The following PRKCB variants were observed in gnomAD, a reference collection of about 807,000 sequenced individuals.
The protein encoded by PRKCB is protein kinase C beta.
In PRKCB, 13 loss-of-function variants were observed where a neutral mutation model predicts 81.5. The observed-to-expected ratio is 0.16, with a 90% CI of 0.10 to 0.25. PRKCB has a LOEUF of 0.25. Ranked by LOEUF, PRKCB falls within the 10% of genes least tolerant of loss-of-function variation. PRKCB has a pLI of 1.00. For synonymous variants in PRKCB, 335 were observed against 321.4 expected (o/e 1.04, Z -0.45); for missense variants, 509 against 875.7 (o/e 0.58, Z 5.29).
At chr16:24,068,192 A>G (rs1458603404) in intron 5 of PRKCB, among the ~76,000 whole-genome samples, 2 of 152,194 alleles carry the variant, frequency 1.3e-5, no homozygotes, top group Non-Finnish European at 2.9e-5. Context: ...TAGCACCATA[A>G]GCCTGACAAA....
chr16:24,185,516 C>T lies in PRKCB; in HGVS notation c.1671C>T (p.Asn557=), dbSNP rs747289504. The T allele has an allele frequency of 9.9e-6, 16 of 1,614,142 alleles. No homozygotes were observed. In the Admixed American group the frequency reaches 1.7e-4, roughly 17 times the overall value. The change falls in exon 15 of 17, where the codon AAC becomes AAT. Residue 557 remains asparagine, a synonymous_variant. Coordinates refer to ENST00000643927, the MANE Select transcript of PRKCB (RefSeq NM_002738.7). ...DELFQSIMEH[N]VAYPKSMSKE... Reference sequence around the variant, plus strand: ...TCTTCCAATCCATCATGGAACACAACGTAGCCTATCCCAAGTCTATGTCCA... The same window carrying T: ...TCTTCCAATCCATCATGGAACACAATGTAGCCTATCCCAAGTCTATGTCCA...
chr16:24,147,318 A>C (rs1052750455), intron 9 of PRKCB, among the ~76,000 whole-genome samples: 2 of 151,776 alleles, frequency 1.3e-5, no homozygotes, highest in Non-Finnish European at 2.9e-5. Flanking sequence ...AAAAAAAAAA[A>C]AAAACTTCAC....
At chr16:24,178,715 G>A (rs1019225065) in intron 12 of PRKCB, among the ~76,000 whole-genome samples, 12 of 152,328 alleles carry the variant, frequency 7.9e-5, no homozygotes, top group African/African-American at 2.6e-4. Flanking sequence ...AAGGCATGGC[G>A]TGTTGGGATT....
Position 24,217,167 on chromosome 16 carries a change from A to T in PRKCB, c.*2351A>T. 1.0e-6 allele frequency: 1 copy of T among 978,340 alleles called. No homozygotes were observed. The highest frequency in any genetic ancestry group is 1.2e-6 in the Non-Finnish European group (1 of 823,626). The allele number at this position is 978,340 out of a possible 1,614,324, so 60.6% of individuals were successfully genotyped here. A position where few individuals can be genotyped will look rare whatever the true frequency, so the allele number is the denominator to read the frequency against. On this transcript the variant is annotated 3_prime_UTR_variant, in exon 17 of 17. Transcript: ENST00000643927. ...AAGGAAGGAAAGAAGGAAGGAAAAG[A>T]AGGAAGGAAGGAAGGAATATAGTGT...
At chr16:23,988,365 A>T (rs936406902) in intron 2 of PRKCB, 143 bp from the exon 3 acceptor site, 3 of 631,638 alleles carry the variant, frequency 4.7e-6, no homozygotes, top group Non-Finnish European at 8.3e-6. Context: ...AAGCTGCAGA[A>T]GCTGACATTA....
rs553789871 is a variant in PRKCB, at chr16:24,041,537, T to A, written c.529+5990T>A. Among the ~76,000 whole-genome samples, 70 of 152,004 alleles carry A rather than the reference T, an allele frequency of 4.6e-4. No individual in the cohort carries two copies. The East Asian group carries it at 6.8e-3, about 15-fold the overall frequency. ...AAAGCAGAAAGAACCTTTTTTTTTT[T>A]AAATGTTTCTCTTTGGAACTCCCAT... On this transcript the variant is annotated intron_variant, in intron 5 of 16. Coordinates refer to ENST00000643927, the MANE Select transcript of PRKCB (RefSeq NM_002738.7).
intron 6 of PRKCB, 149 bp from the exon 7 acceptor site, chr16:24,094,014 G>C (rs1966409002): frequency 1.1e-6 from 1 of 917,350 alleles, no homozygotes; most frequent in Non-Finnish European, 1.6e-6. Context: ...TCCCTGGAGA[G>C]CTAGCCTGGG....
chr16:23,886,406 GTTTTT>G (rs398029038), intron 2 of PRKCB, among the ~76,000 whole-genome samples: 57 of 70,220 alleles, frequency 8.1e-4, no homozygotes, highest in African/African-American at 3.6e-3. Flanking sequence ...TGTGTTAGGT[GTTTTT>G]TTTTTTTTTT....
At chr16:24,035,967 G>T (rs1276951810) in intron 5 of PRKCB, among the ~76,000 whole-genome samples, 1 of 152,078 alleles carries the variant, frequency 6.6e-6, no homozygotes, top group Non-Finnish European at 1.5e-5. Context: ...TTTTCCAGCA[G>T]GAAAAATGGA....
At chr16:24,146,141 T>G (rs1966986005) in intron 9 of PRKCB, among the ~76,000 whole-genome samples, 1 of 152,090 alleles carries the variant, frequency 6.6e-6, no homozygotes, top group Admixed American at 6.5e-5. Flanking sequence ...CAGCAGGACC[T>G]AGGAGGGAGG....
intron 2 of PRKCB, among the ~76,000 whole-genome samples, chr16:23,858,169 A>T (rs1465712712): frequency 6.6e-6 from 1 of 152,204 alleles, no homozygotes. Flanking sequence ...CACAAACTTT[A>T]TCCCTTTGAA....
chr16:24,002,540 A>T (rs1965051950), intron 3 of PRKCB, among the ~76,000 whole-genome samples: 1 of 152,074 alleles, frequency 6.6e-6, no homozygotes, highest in Non-Finnish European at 1.5e-5. Context: ...GGGTTTCACC[A>T]TGTTGGCCAG....
At chr16:24,178,115 TAAGTA>T (rs1967562551) in intron 12 of PRKCB, among the ~76,000 whole-genome samples, 1 of 152,214 alleles carries the variant, frequency 6.6e-6, no homozygotes, top group Admixed American at 6.5e-5. Flanking sequence ...GAACAGTTCT[TAAGTA>T]AAGAGGATGA....
intron 7 of PRKCB, chr16:24,111,243 G>T (rs1389266466): frequency 6.6e-6 from 1 of 152,168 alleles, no homozygotes; most frequent in Admixed American, 6.5e-5. Flanking sequence ...TCTCTGCTTT[G>T]AATCACCTAG....
In PRKCB at chr16:23,927,316, A is replaced by C. The variant is rs946630606; in HGVS notation, c.206-61192A>C. On this transcript the variant is annotated intron_variant, in intron 2 of 16. Transcript: ENST00000643927. ...AAAGCACAAGAGGATTGAAGAACCA[A>C]AATCACTTTGGCATGGCTGGAATGA... 2.6e-5 allele frequency among the ~76,000 whole-genome samples: 4 copies of C among 152,074 alleles called. No homozygotes were observed. In the East Asian group the frequency reaches 7.7e-4, roughly 29 times the overall value.
chr16:24,094,910 AAGC>A (rs1966421784), intron 7 of PRKCB, among the ~76,000 whole-genome samples: 1 of 151,512 alleles, frequency 6.6e-6, no homozygotes, highest in Non-Finnish European at 1.5e-5. Flanking sequence ...GAAAGACGGA[AAGC>A]AGGAAGGAAG....
chr16:24,115,326 A>G (rs111980838), intron 8 of PRKCB, among the ~76,000 whole-genome samples: 4 of 141,750 alleles, frequency 2.8e-5, no homozygotes, highest in South Asian at 2.4e-4. Flanking sequence ...TATTTATCCC[A>G]ATGATTTTAG....
intron 2 of PRKCB, among the ~76,000 whole-genome samples, chr16:23,981,798 C>T (rs1442043606): frequency 1.1e-4 from 2 of 18,438 alleles, no homozygotes; most frequent in African/African-American, 5.6e-4. Context: ...CCTTCCCTTC[C>T]CCTTCCCTTC....
At chr16:23,882,134 C>T (rs1380611157) in intron 2 of PRKCB, among the ~76,000 whole-genome samples, 1 of 145,588 alleles carries the variant, frequency 6.9e-6, no homozygotes, top group Non-Finnish European at 1.5e-5. Context: ...GGCTGGAGTG[C>T]AGTGGGGCAA....
Sources: allele counts gnomAD v4.1 joint callset (sites outside exome capture counted in the v4.1 genomes callset), GRCh38; gene constraint gnomAD v4.1.1; transcripts MANE v1.5; gene names NCBI Gene and HGNC (gene_info 2026-07-23, HGNC 2026-07-21).